Variants in VWA3A observed in about 807,000 individuals in gnomAD.
VWA3A encodes the protein von Willebrand factor A domain containing 3A.
Under a neutral mutation model 160.4 loss-of-function variants are expected in VWA3A, and 134 were observed. The ratio of observed to expected loss-of-function variants is 0.84; its 90% CI spans 0.73 to 0.96. The LOEUF (loss-of-function observed/expected upper bound fraction) is 0.96, where lower values mean the gene tolerates loss of function less well. Among genes scored for constraint, VWA3A ranks in the 40% least tolerant of loss-of-function variants. The pLI is 0.00. For missense variants in VWA3A, 1,310 were observed against 1,447.9 expected (o/e 0.90, Z 1.55); for synonymous variants, 476 against 543.4 (o/e 0.88, Z 1.72).
intron 6 of VWA3A, among the ~76,000 whole-genome samples, chr16:22,105,339 A>G (rs1044025252): frequency 6.6e-6 from 1 of 152,138 alleles, no homozygotes; most frequent in African/African-American, 2.4e-5. Flanking sequence ...GGAAACGATC[A>G]CCTGTAAATC....
Position 22,150,540 on chromosome 16 carries a change from C to A in VWA3A, c.3130-155C>A, listed in dbSNP as rs180997971. On this transcript the variant is annotated intron_variant, in intron 29 of 33. Transcript: ENST00000389398. ...AGCAGCTTCCTTAGTCTGTCTGAGG[C>A]TGAAAGAGAATCTCAGTCTTTTTGA... is the stretch of plus-strand genomic sequence containing the variant. Among the ~76,000 whole-genome samples, 47 of 152,306 alleles carry A rather than the reference C, an allele frequency of 3.1e-4. No individual in the cohort carries two copies. In the East Asian group the frequency reaches 8.9e-3, roughly 29 times the overall value.
At chr16:22,114,732 G>C (rs968520892) in intron 8 of VWA3A, among the ~76,000 whole-genome samples, 1 of 152,114 alleles carries the variant, frequency 6.6e-6, no homozygotes, top group African/African-American at 2.4e-5. Context: ...GGAGGCTAGG[G>C]AGGGGGACCT....
chr16:22,141,862 A>C (rs1397383968), intron 24 of VWA3A, among the ~76,000 whole-genome samples, 170 bp downstream of exon 24: 1 of 152,192 alleles, frequency 6.6e-6, no homozygotes. Flanking sequence ...GGAAATGGAC[A>C]TGCAAAGTTT....
intron 26 of VWA3A, among the ~76,000 whole-genome samples, chr16:22,145,430 G>T (rs945247971): frequency 3.3e-5 from 5 of 152,222 alleles, no homozygotes; most frequent in Non-Finnish European, 5.9e-5. Flanking sequence ...CCTGAGGTCA[G>T]GAGTTCGAGA....
chr16:22,145,789 A>T (rs925185182), intron 26 of VWA3A, among the ~76,000 whole-genome samples: 2 of 152,116 alleles, frequency 1.3e-5, no homozygotes, highest in Non-Finnish European at 2.9e-5. Flanking sequence ...CAAAAAAAAA[A>T]AATACACTTA....
chr16:22,133,759 C>T (rs1010515645), intron 20 of VWA3A, among the ~76,000 whole-genome samples: 2 of 151,694 alleles, frequency 1.3e-5, no homozygotes, highest in East Asian at 1.9e-4. Flanking sequence ...TTGAGGCGAG[C>T]GGATTGCTTG....
At chr16:22,142,496 G>A (rs1357732256) in intron 24 of VWA3A, among the ~76,000 whole-genome samples, 172 bp from the exon 25 acceptor site, 5 of 152,082 alleles carry the variant, frequency 3.3e-5, no homozygotes, top group South Asian at 4.1e-4. Flanking sequence ...GAACTTACTC[G>A]CTCCCCACCC....
chr16:22,124,229 C>A (rs1362979590), intron 16 of VWA3A, among the ~76,000 whole-genome samples: 3 of 148,178 alleles, frequency 2.0e-5, no homozygotes, highest in Non-Finnish European at 4.5e-5. Flanking sequence ...TCCTCCCTGG[C>A]CAGAGCAAAT....
chr16:22,103,887 T>C (rs757027745), intron 6 of VWA3A, among the ~76,000 whole-genome samples: 6 of 152,212 alleles, frequency 3.9e-5, no homozygotes, highest in Non-Finnish European at 5.9e-5. Context: ...CCAATCATCA[T>C]AGCCAAGGAG....
Position 22,148,149 on chromosome 16 carries a change from T to C in VWA3A, c.2840-13T>C. On this transcript the variant is annotated splice_polypyrimidine_tract_variant and intron_variant, in intron 27 of 33. Coordinates refer to ENST00000389398, the MANE Select transcript of VWA3A (RefSeq NM_173615.5). ...ACTCCCTCCCTGCCTCTTCCCCACC[T>C]GTCTCGGAGCAGGGAGCCGCCGACT... The C allele has an allele frequency of 6.3e-7, 1 of 1,589,908 alleles. No homozygotes were observed. The highest frequency in any genetic ancestry group is 1.1e-5 in the South Asian group (1 of 87,086).
In VWA3A at chr16:22,107,860, A is replaced by G. The variant is rs555453674; in HGVS notation, c.484-1622A>G. On this transcript the variant is annotated intron_variant, in intron 6 of 33. Transcript: ENST00000389398. The stretch of plus-strand genomic sequence containing the variant: ...AAGCAAGTTCCTAGGGCACGCCAGT[A>G]TTGTGACTTTGGAACAAGGAGGAGG... 2.6e-5 allele frequency among the ~76,000 whole-genome samples: 4 copies of G among 152,284 alleles called. No homozygotes were observed. In the East Asian group the frequency reaches 7.7e-4, roughly 29 times the overall value.
At chr16:22,122,855 C>A (rs892803686) in intron 14 of VWA3A, among the ~76,000 whole-genome samples, 3 of 152,074 alleles carry the variant, frequency 2.0e-5, no homozygotes, top group African/African-American at 7.2e-5. Context: ...TTCAGGGGAT[C>A]ACTCTCTCTA....
At position 22,119,326 on chromosome 16, in the gene VWA3A, C is replaced by G. The variant is rs367813315; in HGVS notation, c.1116+299C>G. 8.8e-4 allele frequency among the ~76,000 whole-genome samples: 134 copies of G among 152,322 alleles called. 2 individuals carry two copies. The East Asian group carries it at 0.012, about 13-fold the overall frequency. On this transcript the variant is annotated intron_variant, in intron 12 of 33. Transcript: ENST00000389398. ...CCTGTCACTGTCCCCTCCCTTACCC[C>G]CAGTTTGGAGAATGATGAAAACCTC...
In VWA3A at chr16:22,141,612, T is replaced by C; in HGVS notation, c.2414T>C (p.Met805Thr). 1.2e-6 allele frequency: 2 copies of C among 1,612,248 alleles called. No homozygotes were observed. The highest frequency in any genetic ancestry group is 1.7e-6 in the Non-Finnish European group (2 of 1,179,248). The change falls in exon 24 of 34, where the codon ATG (methionine) becomes ACG (threonine). Residue 805 changes from methionine (M) to threonine (T), a missense_variant. Met to Thr is a moderately conservative substitution (Grantham distance 81). Transcript: ENST00000389398. ...AAAQPTKEGM[M>T]ELRRKTKSRE... is the part of the protein sequence containing the mutation. ...GCCCAGCCAACGAAAGAAGGGATGA[T>C]GGAACTGAGGAGGAAGACCAAGTCA... is the stretch of plus-strand genomic sequence containing the variant.
intron 17 of VWA3A, among the ~76,000 whole-genome samples, chr16:22,130,664 C>T (rs1364054236): frequency 6.6e-6 from 1 of 152,006 alleles, no homozygotes; most frequent in Admixed American, 6.6e-5. Context: ...AGTGCAGTGG[C>T]ACAATCATAG....
intron 5 of VWA3A, among the ~76,000 whole-genome samples, chr16:22,102,299 C>T (rs1352278536): frequency 2.6e-5 from 4 of 152,020 alleles, no homozygotes; most frequent in African/African-American, 9.7e-5. Context: ...TGCAGTGAGC[C>T]ATGATCGTAC....
chr16:22,121,411 TC>T, intron 13 of VWA3A, 102 bp from the exon 14 acceptor site: 1 of 989,826 alleles, frequency 1.0e-6, no homozygotes, highest in Non-Finnish European at 1.6e-6. Context: ...GCCACTGCAC[TC>T]TAGCCTGGGT....
intron 6 of VWA3A, among the ~76,000 whole-genome samples, chr16:22,108,622 T>A (rs2045513063): frequency 6.6e-6 from 1 of 151,684 alleles, no homozygotes; most frequent in Non-Finnish European, 1.5e-5. Context: ...AGCAGAAGAG[T>A]GAATTCAACA....
intron 17 of VWA3A, among the ~76,000 whole-genome samples, chr16:22,128,166 T>C (rs2045884835): frequency 6.6e-6 from 1 of 152,120 alleles, no homozygotes; most frequent in South Asian, 2.1e-4. Context: ...AGGATTGATA[T>C]AGGCCATGCT....
Sources: gnomAD v4.1 joint callset for allele counts (sites outside exome capture counted in the v4.1 genomes callset) on GRCh38, gnomAD v4.1.1 for gene constraint, MANE v1.5 for transcripts, NCBI Gene and HGNC (gene_info 2026-07-23, HGNC 2026-07-21) for gene names.